The following PCDH11X variants were observed in gnomAD, a reference collection of about 807,000 sequenced individuals.
PCDH11X encodes the protein protocadherin-11 X-linked.
PCDH11X carries 18 observed loss-of-function variants against 53.3 expected under a neutral mutation model. The observed-to-expected ratio is 0.34, with a 90% CI of 0.23 to 0.50. The LOEUF is 0.50. Ranked by LOEUF, PCDH11X falls within the 20% of genes least tolerant of loss-of-function variation. The probability of loss-of-function intolerance (pLI) is 0.98; values close to 1 mark genes in which losing one functional copy is unlikely to be tolerated. For synonymous variants in PCDH11X, 279 were observed against 393.3 expected (o/e 0.71, Z 3.44); for missense variants, 570 against 1,032.4 (o/e 0.55, Z 6.14).
intron 8 of PCDH11X, among the ~76,000 whole-genome samples, chrX:92,340,772 A>G (rs1183051565): frequency 8.9e-6 from 1 of 112,139 alleles, no homozygotes; most frequent in Non-Finnish European, 1.9e-5. Context: ...AAATGCCTCC[A>G]AGGCCTTTTC....
At chrX:92,406,135 C>G (rs2071508953) in intron 9 of PCDH11X, among the ~76,000 whole-genome samples, 1 of 103,562 alleles carries the variant, frequency 9.7e-6, no homozygotes, top group African/African-American at 3.5e-5. Flanking sequence ...CTGTTTACTT[C>G]CACCCAAAAT....
intron 10 of PCDH11X, among the ~76,000 whole-genome samples, chrX:92,476,079 C>G (rs566734063): frequency 9.0e-6 from 1 of 111,247 alleles, no homozygotes; most frequent in South Asian, 3.8e-4. Context: ...TGGGGATGGG[C>G]TTTTCCCATG....
intron 8 of PCDH11X, among the ~76,000 whole-genome samples, chrX:92,274,717 G>T (rs1036297288): frequency 9.0e-6 from 1 of 110,698 alleles, no homozygotes; most frequent in South Asian, 3.9e-4. Context: ...AGATTTCCAC[G>T]ATGGAAAGGA....
At chrX:92,615,116 C>T (rs989581283) in intron 10 of PCDH11X, among the ~76,000 whole-genome samples, 21 of 111,676 alleles carry the variant, frequency 1.9e-4, no homozygotes, top group Non-Finnish European at 4.0e-4. Flanking sequence ...GGAGATCTGT[C>T]TGCATGTGTT....
Position 92,173,122 on chromosome X carries a change from A to G in PCDH11X, c.3034-28253A>G, listed in dbSNP as rs182349057. ...AAAACTGCTTTACCTAAATAATGCC[A>G]GGAAAGGCATTAGTCTTTCTTTTCA... is the stretch of plus-strand genomic sequence containing the variant. On this transcript the variant is annotated intron_variant, in intron 6 of 10. Transcript: ENST00000682573. 7.8e-3 allele frequency among the ~76,000 whole-genome samples: 872 copies of G among 112,009 alleles called. 9 individuals are homozygous for G. Among genetic ancestry groups the G allele is most frequent in the African/African-American group, 0.027 (833 of 30,880 alleles).
chrX:92,029,708 T>C (rs940495859), intron 6 of PCDH11X, among the ~76,000 whole-genome samples: 58 of 110,947 alleles, frequency 5.2e-4, no homozygotes, highest in Non-Finnish European at 9.4e-4. Context: ...CATTTCAAAA[T>C]TGTTTTGAAC....
At chrX:92,276,492 G>A (rs1257446726) in intron 8 of PCDH11X, among the ~76,000 whole-genome samples, 1 of 110,273 alleles carries the variant, frequency 9.1e-6, no homozygotes, top group Non-Finnish European at 1.9e-5. Context: ...GCATTCCTTG[G>A]CCTGGTGGTC....
At chrX:92,257,263 A>G (rs918347757) in intron 7 of PCDH11X, among the ~76,000 whole-genome samples, 1 of 111,085 alleles carries the variant, frequency 9.0e-6, no homozygotes, top group Non-Finnish European at 1.9e-5. Flanking sequence ...CTCCACCCCC[A>G]TGATCCAGTC....
chrX:91,921,543 A>G (rs1219354176), intron 6 of PCDH11X, among the ~76,000 whole-genome samples: 1 of 107,686 alleles, frequency 9.3e-6, no homozygotes, highest in Non-Finnish European at 1.9e-5. Context: ...CCAGAATGTC[A>G]TATAGTTAGA....
chrX:92,166,264 ATTTT>A (rs1023463359), intron 6 of PCDH11X, among the ~76,000 whole-genome samples: 257 of 106,142 alleles, frequency 2.4e-3, no homozygotes, highest in African/African-American at 8.6e-3. Flanking sequence ...TGTTGATATA[ATTTT>A]TTATCAATCT....
chrX:92,317,729 T>C (rs2069111000), intron 8 of PCDH11X, among the ~76,000 whole-genome samples: 1 of 111,800 alleles, frequency 8.9e-6, no homozygotes, highest in Non-Finnish European at 1.9e-5. Flanking sequence ...CTCACAGATT[T>C]GGAGTTATAC....
intron 7 of PCDH11X, among the ~76,000 whole-genome samples, chrX:92,206,040 C>A (rs1850720326): frequency 8.9e-6 from 1 of 111,974 alleles, no homozygotes; most frequent in Admixed American, 9.5e-5. Context: ...TTGTTATTGA[C>A]ACAATTATTT....
At chrX:91,981,676 G>A (rs1423308784) in intron 6 of PCDH11X, among the ~76,000 whole-genome samples, 5 of 110,755 alleles carry the variant, frequency 4.5e-5, no homozygotes, top group Non-Finnish European at 9.4e-5. Flanking sequence ...AGTTCCACAT[G>A]GCTGGGGAAG....
chrX:92,242,618 A>G (rs745305979), intron 7 of PCDH11X, among the ~76,000 whole-genome samples: 20 of 111,640 alleles, frequency 1.8e-4, no homozygotes, highest in Non-Finnish European at 3.6e-4. Context: ...ATGAGTTTTA[A>G]TTTCTCTGAA....
intron 6 of PCDH11X, among the ~76,000 whole-genome samples, chrX:92,042,504 A>G (rs1278254699): frequency 9.5e-6 from 1 of 105,817 alleles, no homozygotes; most frequent in African/African-American, 3.5e-5. Context: ...CTACCATGTG[A>G]TTTTAGAGTA....
chrX:92,605,545 A>G (rs956184932), intron 10 of PCDH11X, among the ~76,000 whole-genome samples: 11 of 112,109 alleles, frequency 9.8e-5, no homozygotes, highest in African/African-American at 1.6e-4. Flanking sequence ...AATTATCTCT[A>G]TTTGAAGATG....
chrX:92,273,180 G>C (rs2067997161), intron 8 of PCDH11X, among the ~76,000 whole-genome samples: 1 of 110,990 alleles, frequency 9.0e-6, no homozygotes, highest in Non-Finnish European at 1.9e-5. Context: ...AGTCCGAAAA[G>C]AGAGTCAGTG....
intron 6 of PCDH11X, among the ~76,000 whole-genome samples, chrX:92,141,858 G>A (rs1286870226): frequency 9.0e-6 from 1 of 111,154 alleles, no homozygotes; most frequent in East Asian, 2.8e-4. Context: ...CTGATTCCCC[G>A]GAATTGAGAT....
At chrX:91,850,009 A>G (rs901165871) in intron 5 of PCDH11X, among the ~76,000 whole-genome samples, 1 of 105,525 alleles carries the variant, frequency 9.5e-6, no homozygotes, top group African/African-American at 3.4e-5. Context: ...ATTTTTTAAT[A>G]GTCCAGAATT....
Sources: gnomAD v4.1 joint callset for allele counts (sites outside exome capture counted in the v4.1 genomes callset) on GRCh38, gnomAD v4.1.1 for gene constraint, MANE v1.5 for transcripts, NCBI Gene and HGNC (gene_info 2026-07-23, HGNC 2026-07-21) for gene names.